FHIT: variants seen among roughly 807,000 people sequenced by gnomAD.
FHIT encodes the protein bis(5'-adenosyl)-triphosphatase.
In FHIT, 19 loss-of-function variants were observed where a neutral mutation model predicts 17.9. The ratio of observed to expected loss-of-function variants is 1.06; its 90% CI spans 0.74 to 1.56. The LOEUF (loss-of-function observed/expected upper bound fraction) is 1.56. Among genes scored for constraint, FHIT ranks in the 40% most tolerant of loss-of-function variants. FHIT has a pLI of 0.00. For missense variants in FHIT, 248 were observed against 189.2 expected (o/e 1.31, Z -1.82); for synonymous variants, 81 against 69.7 (o/e 1.16, Z -0.81).
chr3:60,433,526 C>T (rs2029925865), intron 5 of FHIT, among the ~76,000 whole-genome samples: 1 of 151,840 alleles, frequency 6.6e-6, no homozygotes, highest in South Asian at 2.1e-4. Flanking sequence ...TTTTATTTTC[C>T]CACCAACTGT....
At chr3:60,984,771 T>A (rs187097900) in intron 3 of FHIT, among the ~76,000 whole-genome samples, 1 of 138,626 alleles carries the variant, frequency 7.2e-6, no homozygotes, top group Non-Finnish European at 1.5e-5. Context: ...ATAAAGGGTA[T>A]AGTTTCATGA....
intron 5 of FHIT, among the ~76,000 whole-genome samples, chr3:60,339,335 T>C (rs1372867117): frequency 2.6e-5 from 4 of 152,284 alleles, no homozygotes; most frequent in East Asian, 3.9e-4. Flanking sequence ...TTCTAGTCCA[T>C]ATCTGAATCC....
rs183403558 is a variant in FHIT, at chr3:60,288,270, T to A, written c.103+248590A>T. 2.8e-3 allele frequency among the ~76,000 whole-genome samples: 425 copies of A among 152,288 alleles called. 4 individuals carry two copies. The highest frequency in any genetic ancestry group is 9.9e-3 in the African/African-American group (411 of 41,574). On this transcript the variant is annotated intron_variant, in intron 5 of 9. Coordinates refer to ENST00000492590, the MANE Select transcript of FHIT (RefSeq NM_002012.4). The stretch of plus-strand genomic sequence containing the variant: ...TGACCTAGACTCTGAAGACGCACAC[T>A]GTTGCTTTCACTGTATTCTACTGGT...
At chr3:60,939,568 T>C (rs550731478) in intron 3 of FHIT, among the ~76,000 whole-genome samples, 1 of 152,282 alleles carries the variant, frequency 6.6e-6, no homozygotes, top group Admixed American at 6.5e-5. Flanking sequence ...AATATTTTAT[T>C]CCCATTAGTA....
intron 2 of FHIT, among the ~76,000 whole-genome samples, chr3:61,091,935 C>CT (rs2035496153): frequency 2.8e-5 from 2 of 71,110 alleles, no homozygotes; most frequent in Non-Finnish European, 4.6e-5. Context: ...GAGACCTTGT[C>CT]TAAAAAAAAA....
intron 1 of FHIT, among the ~76,000 whole-genome samples, chr3:61,237,719 T>A (rs2040267680): frequency 6.6e-6 from 1 of 152,172 alleles, no homozygotes. Flanking sequence ...ATCAATGATT[T>A]CACTTGATTC....
At chr3:60,548,882 AC>A (rs1324923051) in intron 4 of FHIT, among the ~76,000 whole-genome samples, 1 of 152,248 alleles carries the variant, frequency 6.6e-6, no homozygotes, top group African/African-American at 2.4e-5. Context: ...AATCTCTGCA[AC>A]AATGTAGCTA....
intron 3 of FHIT, among the ~76,000 whole-genome samples, chr3:60,999,621 G>C (rs1355984643): frequency 6.6e-6 from 1 of 151,736 alleles, no homozygotes; most frequent in African/African-American, 2.4e-5. Context: ...AAGGTCCTGG[G>C]AAACAGATTC....
intron 3 of FHIT, among the ~76,000 whole-genome samples, chr3:60,875,782 C>T (rs1490992830): frequency 6.6e-6 from 1 of 151,942 alleles, no homozygotes; most frequent in Non-Finnish European, 1.5e-5. Context: ...GGTGAGGAAA[C>T]TGAGACTTAG....
chr3:60,423,208 A>T (rs1702541123), intron 5 of FHIT, among the ~76,000 whole-genome samples: 1 of 152,090 alleles, frequency 6.6e-6, no homozygotes, highest in Non-Finnish European at 1.5e-5. Context: ...AGTAGAGTAG[A>T]GTATAGATGG....
intron 1 of FHIT, among the ~76,000 whole-genome samples, chr3:61,202,020 A>T (rs538030865): frequency 7.2e-5 from 11 of 152,206 alleles, no homozygotes; most frequent in African/African-American, 2.4e-4. Context: ...ACAAATATAC[A>T]TACACATGTG....
At chr3:59,925,489 A>T (rs930522661) in intron 7 of FHIT, among the ~76,000 whole-genome samples, 3 of 152,174 alleles carry the variant, frequency 2.0e-5, no homozygotes, top group Non-Finnish European at 4.4e-5. Flanking sequence ...TATGCCTGTT[A>T]GTATCCACTA....
intron 5 of FHIT, among the ~76,000 whole-genome samples, chr3:60,120,828 T>C (rs964834820): frequency 2.1e-5 from 3 of 145,974 alleles, no homozygotes; most frequent in African/African-American, 7.8e-5. Context: ...TTACTTTAAT[T>C]ATATCTCAGC....
chr3:59,825,414 A>AGTTGAGT (rs1457882397), intron 8 of FHIT, among the ~76,000 whole-genome samples: 7 of 152,216 alleles, frequency 4.6e-5, no homozygotes, highest in Non-Finnish European at 8.8e-5. Flanking sequence ...CTAGAGGGAT[A>AGTTGAGT]GTTGAGTTCT....
At chr3:60,595,657 T>G (rs1277147353) in intron 4 of FHIT, among the ~76,000 whole-genome samples, 2 of 151,752 alleles carry the variant, frequency 1.3e-5, no homozygotes, top group African/African-American at 2.4e-5. Context: ...TGTGTGTATG[T>G]GTGTATTTTA....
At chr3:60,097,857 C>A in intron 5 of FHIT, among the ~76,000 whole-genome samples, 1 of 119,800 alleles carries the variant, frequency 8.3e-6, no homozygotes. Flanking sequence ...AATGCTATCC[C>A]TCCCCCCGCC....
chr3:59,989,802 T>G (rs1256223790), intron 7 of FHIT, among the ~76,000 whole-genome samples: 4 of 152,064 alleles, frequency 2.6e-5, no homozygotes, highest in Admixed American at 1.3e-4. Flanking sequence ...TGTGTTCATC[T>G]GCCCAGATTC....
intron 4 of FHIT, among the ~76,000 whole-genome samples, chr3:60,562,178 A>G (rs902116148): frequency 5.3e-5 from 8 of 152,236 alleles, no homozygotes; most frequent in Non-Finnish European, 1.5e-5. Flanking sequence ...TATCTGTCTT[A>G]TAATTAATCT....
chr3:60,039,694 T>G (rs1575952430), intron 5 of FHIT, among the ~76,000 whole-genome samples: 1 of 152,248 alleles, frequency 6.6e-6, no homozygotes, highest in East Asian at 1.9e-4. Context: ...CTATAAAGTG[T>G]TCACATGGTG....
Sources: allele counts gnomAD v4.1 joint callset (sites outside exome capture counted in the v4.1 genomes callset), GRCh38; gene constraint gnomAD v4.1.1; transcripts MANE v1.5; gene names NCBI Gene and HGNC (gene_info 2026-07-23, HGNC 2026-07-21).